FANCL: variants seen among roughly 807,000 people sequenced by gnomAD.
FANCL encodes FA complementation group L.
A neutral mutation model predicts 59.4 loss-of-function variants in FANCL; 69 were observed. That is an observed-to-expected ratio of 1.16 (90% CI 0.96 to 1.42). The LOEUF (loss-of-function observed/expected upper bound fraction) is 1.42. Among genes scored for constraint, FANCL ranks in the 40% most tolerant of loss-of-function variants. The pLI is 0.00. For missense variants in FANCL, 519 were observed against 447.2 expected, an observed-to-expected ratio of 1.16 and a Z score of -1.45; for synonymous variants, 180 against 147.1, an observed-to-expected ratio of 1.22 and a Z score of -1.62.
intron 1 of FANCL, among the ~76,000 whole-genome samples, chr2:58,234,604 C>T (rs1473829715): frequency 4.0e-5 from 6 of 151,816 alleles, no homozygotes; most frequent in Non-Finnish European, 7.4e-5. Flanking sequence ...AATCCAAGTA[C>T]ACTTCCTGGA....
At chr2:58,224,893 G>C (rs1692835197) in intron 4 of FANCL, among the ~76,000 whole-genome samples, 1 of 151,834 alleles carries the variant, frequency 6.6e-6, no homozygotes, top group Non-Finnish European at 1.5e-5. Context: ...TTTCCAAAAA[G>C]TATTTTTTCT....
intron 1 of FANCL, among the ~76,000 whole-genome samples, chr2:58,236,641 C>T (rs555215460): frequency 1.3e-5 from 2 of 152,032 alleles, no homozygotes; most frequent in South Asian, 2.1e-4. Context: ...TGAATAACCA[C>T]GTTAAATGTA....
At chr2:58,205,139 T>A (rs1357961149) in intron 5 of FANCL, among the ~76,000 whole-genome samples, 6 of 151,892 alleles carry the variant, frequency 4.0e-5, no homozygotes, top group African/African-American at 1.5e-4. Flanking sequence ...GAGTTCAGAA[T>A]ATAAGCCTCC....
rs748806981 is a variant in FANCL, at chr2:58,229,851, C to A, written c.179G>T (p.Arg60Ile). The change falls in exon 3 of 14, where the codon AGA (arginine) becomes ATA (isoleucine). Residue 60 changes from arginine to isoleucine, a missense_variant. Arg to Ile is a moderately conservative substitution (Grantham distance 97). Coordinates refer to ENST00000233741, the MANE Select transcript of FANCL (RefSeq NM_018062.4). ...TCGATGGTATCCACTAAGTATTGTTCTCAGCTGCCAACTACATAATAATCT... is the reference window on the plus strand; with the variant it reads ...TCGATGGTATCCACTAAGTATTGTTATCAGCTGCCAACTACATAATAATCT... ...NARLLCSWQL[R>I]TILSGYHRIV... The A allele has an allele frequency of 2.5e-6, 4 of 1,611,284 alleles. No individual in the cohort carries two copies. Among genetic ancestry groups the A allele is most frequent in the Non-Finnish European group, 2.5e-6 (3 of 1,177,596 alleles).
intron 7 of FANCL, among the ~76,000 whole-genome samples, chr2:58,190,392 C>T (rs1573640191): frequency 6.6e-6 from 1 of 150,940 alleles, no homozygotes; most frequent in East Asian, 1.9e-4. Flanking sequence ...AAAGAAAGCT[C>T]CTCAAGCACA....
intron 7 of FANCL, among the ~76,000 whole-genome samples, chr2:58,175,532 A>C (rs1687204004): frequency 6.6e-6 from 1 of 152,106 alleles, no homozygotes; most frequent in African/African-American, 2.4e-5. Context: ...AAAGACAAAA[A>C]CCACATGATT....
At chr2:58,219,972 A>G (rs192670068) in intron 5 of FANCL, among the ~76,000 whole-genome samples, 36 of 152,264 alleles carry the variant, frequency 2.4e-4, no homozygotes, top group Middle Eastern at 3.4e-3. Context: ...CCTTTAATCC[A>G]AGTCAGTGGC....
chr2:58,213,301 T>C (rs1691362242), intron 5 of FANCL, among the ~76,000 whole-genome samples: 1 of 152,220 alleles, frequency 6.6e-6, no homozygotes. Flanking sequence ...TTCTAGTATG[T>C]GGACAGCACA....
chr2:58,187,611 G>T (rs1688534210), intron 7 of FANCL, among the ~76,000 whole-genome samples: 2 of 151,478 alleles, frequency 1.3e-5, no homozygotes. Flanking sequence ...TTGGAAGCAA[G>T]AATTACCTGA....
Position 58,165,815 on chromosome 2 carries a change from G to A in FANCL, c.600C>T (p.Phe200=), listed in dbSNP as rs1194137687. The change falls in exon 8 of 14, where the codon TTC becomes TTT. Residue 200 remains phenylalanine, a synonymous_variant. Coordinates refer to ENST00000233741, the MANE Select transcript of FANCL (RefSeq NM_018062.4). The part of the protein sequence containing the change: ...FLAAIESLKA[F]WDVMDEIDEK... The stretch of plus-strand genomic sequence containing the variant: ...CATCGATTTCATCCATAACATCCCA[G>A]AATGCCTTTAGTGATTCTATTGCTG... 1 of 1,613,850 alleles carries A rather than the reference G, an allele frequency of 6.2e-7. No individual in the cohort carries two copies. The highest frequency in any genetic ancestry group is 8.5e-7 in the Non-Finnish European group (1 of 1,179,946).
chr2:58,178,867 A>T (rs1308420341), intron 7 of FANCL, among the ~76,000 whole-genome samples: 1 of 152,194 alleles, frequency 6.6e-6, no homozygotes, highest in Non-Finnish European at 1.5e-5. Context: ...TTAAGCTGAT[A>T]AGCAACATCA....
chr2:58,205,804 A>G (rs1284984613), intron 5 of FANCL, among the ~76,000 whole-genome samples: 1 of 152,108 alleles, frequency 6.6e-6, no homozygotes, highest in East Asian at 1.9e-4. Context: ...TGACTGATAT[A>G]CTGGCAGAAA....
intron 5 of FANCL, among the ~76,000 whole-genome samples, chr2:58,207,543 T>A (rs1486673071): frequency 6.6e-6 from 1 of 152,224 alleles, no homozygotes; most frequent in African/African-American, 2.4e-5. Context: ...TACCTCTGAA[T>A]TGTTAAATGA....
chr2:58,203,871 T>A (rs995543402), intron 6 of FANCL, among the ~76,000 whole-genome samples: 1 of 152,098 alleles, frequency 6.6e-6, no homozygotes, highest in African/African-American at 2.4e-5. Context: ...CATGGTACTC[T>A]GAGTCTATAA....
chr2:58,175,136 A>T (rs4672232), intron 7 of FANCL, among the ~76,000 whole-genome samples: 101,687 of 140,264 alleles, frequency 0.72, 37,932 homozygotes, highest in African/African-American at 0.91. Flanking sequence ...ATTGTGGCGA[A>T]AATCAATAGC....
Position 58,165,600 on chromosome 2 carries a change from A to C in FANCL, c.691+124T>G, listed in dbSNP as rs554806865. 2.5e-4 allele frequency: 308 copies of C among 1,225,302 alleles called. 2 individuals carry two copies. In the South Asian group the frequency reaches 4.0e-3, roughly 16 times the overall value. The allele number at this position is 1,225,302 out of a possible 1,614,324, so 75.9% of individuals were successfully genotyped here. A position where few individuals can be genotyped will look rare whatever the true frequency, so the allele number is the denominator to read the frequency against. On this transcript the variant is annotated intron_variant, in intron 8 of 13. Coordinates refer to ENST00000233741, the MANE Select transcript of FANCL (RefSeq NM_018062.4). ...AATGTGTAGCCAAAAAAAAGTTTAT[A>C]CTAGAAAATTTTAATAGTTGACTTC...
intron 7 of FANCL, chr2:58,194,282 A>T: frequency 2.1e-6 from 1 of 471,010 alleles, no homozygotes; most frequent in African/African-American, 2.0e-5. Flanking sequence ...ACCTGGACAA[A>T]AGGAATTTCG....
chr2:58,161,113 AAGTAATAGATACTAC>A (rs1289895378), intron 12 of FANCL, among the ~76,000 whole-genome samples: 1 of 151,986 alleles, frequency 6.6e-6, no homozygotes, highest in South Asian at 2.1e-4. Flanking sequence ...GCAGCCTGAA[AAGTAATAGATACTAC>A]ATAGTACTAA....
At chr2:58,212,198 G>C (rs550105753) in intron 5 of FANCL, among the ~76,000 whole-genome samples, 39 of 152,302 alleles carry the variant, frequency 2.6e-4, no homozygotes, top group African/African-American at 9.1e-4. Context: ...GCAAAGAGGA[G>C]CAAGTCCCAT....
Sources: gnomAD v4.1 joint callset for allele counts (sites outside exome capture counted in the v4.1 genomes callset) on GRCh38, gnomAD v4.1.1 for gene constraint, MANE v1.5 for transcripts, NCBI Gene and HGNC (gene_info 2026-07-23, HGNC 2026-07-21) for gene names.